The following DDX50 variants were observed in gnomAD, a reference collection of about 807,000 sequenced individuals.
DDX50 encodes the protein DExD-box helicase 50, also known as ATP-dependent RNA helicase DDX50.
DDX50 carries 56 observed loss-of-function variants against 94.8 expected under a neutral mutation model. The observed-to-expected ratio is 0.59, with a 90% CI of 0.48 to 0.74. The LOEUF (loss-of-function observed/expected upper bound fraction) is 0.74, where lower values mean the gene tolerates loss of function less well. DDX50 is among the 30% of genes least tolerant of loss of function. The pLI is 0.00. For missense variants in DDX50, 713 were observed against 881.2 expected (o/e 0.81, Z 2.42); for synonymous variants, 264 against 295.4 (o/e 0.89, Z 1.09).
chr10:68,913,931 C>G (rs1461391213), intron 6 of DDX50, 128 bp from the exon 7 acceptor site: 1 of 911,962 alleles, frequency 1.1e-6, no homozygotes, highest in African/African-American at 1.8e-5. Flanking sequence ...GCAATGAAGT[C>G]TGTGTGTTAA....
At chr10:68,916,353 CAAAA>C (rs11420993) in intron 7 of DDX50, among the ~76,000 whole-genome samples, 1 of 123,512 alleles carries the variant, frequency 8.1e-6, no homozygotes, top group Non-Finnish European at 1.6e-5. Context: ...GACTCTGTCT[CAAAA>C]AAAAAAAAAA....
At chr10:68,931,883 A>G (rs1842283989) in intron 8 of DDX50, among the ~76,000 whole-genome samples, 1 of 151,948 alleles carries the variant, frequency 6.6e-6, no homozygotes, top group Non-Finnish European at 1.5e-5. Context: ...GTGCTCAAAT[A>G]TTTGTAGGTT....
intron 7 of DDX50, among the ~76,000 whole-genome samples, chr10:68,914,419 G>C (rs1030564088): frequency 4.6e-5 from 7 of 152,048 alleles, no homozygotes; most frequent in African/African-American, 1.7e-4. Flanking sequence ...AGTCCTAATA[G>C]GAAACACACA....
At chr10:68,904,738 C>T (rs910589404) in intron 1 of DDX50, among the ~76,000 whole-genome samples, 18 of 152,310 alleles carry the variant, frequency 1.2e-4, no homozygotes, top group African/African-American at 4.1e-4. Context: ...GGCCCAGAAG[C>T]AATTCAAGCC....
intron 14 of DDX50, among the ~76,000 whole-genome samples, chr10:68,943,992 G>A (rs1418766925): frequency 6.6e-6 from 1 of 152,106 alleles, no homozygotes. Flanking sequence ...AGCCAGTTTT[G>A]TTTCATTTCT....
intron 8 of DDX50, among the ~76,000 whole-genome samples, chr10:68,927,593 T>C (rs1301839484): frequency 1.3e-5 from 2 of 152,218 alleles, no homozygotes; most frequent in African/African-American, 4.8e-5. Context: ...CGTACATATA[T>C]TGTCCTGCTT....
In DDX50 at chr10:68,911,258, A is replaced by AG. The variant is rs1841619550; in HGVS notation, c.639+17dup. The AG allele has an allele frequency of 6.4e-7, 1 of 1,558,106 alleles. No homozygotes were observed. The highest frequency in any genetic ancestry group is 1.4e-5 in the African/African-American group (1 of 72,400). On this transcript the variant is annotated intron_variant, in intron 4 of 14. Transcript: ENST00000373585. Reference sequence around the variant, plus strand: ...GCCGCTCACCAAAGGTAATCGTTATAGGGGGTAAAAGCTTTAAATGTTACT... The same window carrying AG: ...GCCGCTCACCAAAGGTAATCGTTATAGGGGGGTAAAAGCTTTAAATGTTACT...
intron 7 of DDX50, among the ~76,000 whole-genome samples, chr10:68,918,791 C>G (rs1485693533): frequency 6.6e-6 from 1 of 152,050 alleles, no homozygotes. Flanking sequence ...ATGGATATAC[C>G]TGTTTTGGAT....
In DDX50 at chr10:68,934,192, C is replaced by G; in HGVS notation, c.1240-7C>G. The G allele has an allele frequency of 6.2e-7, 1 of 1,608,518 alleles. No individual in the cohort carries two copies. Among genetic ancestry groups the G allele is most frequent in the Non-Finnish European group, 8.5e-7 (1 of 1,178,278 alleles). On this transcript the variant is annotated splice_polypyrimidine_tract_variant and splice_region_variant and intron_variant, in intron 8 of 14. Transcript: ENST00000373585. The surrounding 1 kb of genome is among the most constrained non-coding windows in gnomAD (Gnocchi z 4.0). ...TACACTTAATTTTCTCCCCCTTTCTCAAATAGAATGCCCAGTGTTTACATG... is the reference window on the plus strand; with the variant it reads ...TACACTTAATTTTCTCCCCCTTTCTGAAATAGAATGCCCAGTGTTTACATG...
chr10:68,926,343 A>G (rs1345857319), intron 8 of DDX50, among the ~76,000 whole-genome samples: 1 of 151,060 alleles, frequency 6.6e-6, no homozygotes, highest in Non-Finnish European at 1.5e-5. Context: ...TCTTGAAGAA[A>G]TTGTCTTGCT....
In DDX50 at chr10:68,919,555, AT is replaced by A. The variant is rs1841889981; in HGVS notation, c.1090-269del. On this transcript the variant is annotated intron_variant, in intron 7 of 14. Transcript: ENST00000373585. ...CATTTTCTGTAAGATGTTATTCGGC[AT>A]TTTTTTTAAGGTTCATATTGTTCCA... 2.6e-5 allele frequency among the ~76,000 whole-genome samples: 4 copies of A among 152,016 alleles called. No homozygotes were observed. In the East Asian group the frequency reaches 7.7e-4, roughly 29 times the overall value.
intron 14 of DDX50, among the ~76,000 whole-genome samples, chr10:68,944,427 T>A (rs1485559945): frequency 6.6e-6 from 1 of 152,216 alleles, no homozygotes; most frequent in Non-Finnish European, 1.5e-5. Context: ...CTTATATACC[T>A]ACTTTGAAAC....
chr10:68,911,092 C>A lies in DDX50; in HGVS notation c.485C>A (p.Pro162His). ...LKGRGVTYLFPIQVKTFGPVY... is the reference protein window; with the variant it reads ...LKGRGVTYLFHIQVKTFGPVY... Reference sequence around the variant, plus strand: ...GGTCGAGGGGTAACATATCTCTTTCCTATTCAAGTTAAGACCTTTGGTCCT... The same window carrying A: ...GGTCGAGGGGTAACATATCTCTTTCATATTCAAGTTAAGACCTTTGGTCCT... The change falls in exon 4 of 15, where the codon CCT becomes CAT. Residue 162 changes from proline (P) to histidine (H), a missense_variant. By Grantham distance (77) the Pro-to-His change is moderately conservative. Transcript: ENST00000373585. 6.4e-7 allele frequency: 1 copy of A among 1,561,090 alleles called. No individual in the cohort carries two copies. Among genetic ancestry groups the A allele is most frequent in the South Asian group, 1.3e-5 (1 of 78,352 alleles).
chr10:68,945,485 C>G (rs1842650823), intron 14 of DDX50, among the ~76,000 whole-genome samples: 1 of 151,880 alleles, frequency 6.6e-6, no homozygotes, highest in African/African-American at 2.4e-5. Context: ...TTTTGTATTT[C>G]TAGTAGAGTT....
intron 14 of DDX50, 123 bp downstream of exon 14, chr10:68,943,380 A>G (rs1842595393): frequency 5.1e-6 from 4 of 785,176 alleles, no homozygotes; most frequent in Admixed American, 3.2e-5. Context: ...ATTCCTTAAT[A>G]TAAAATAACC....
chr10:68,941,678 C>T (rs145603115), intron 13 of DDX50, among the ~76,000 whole-genome samples: 10,840 of 151,668 alleles, frequency 0.071, 510 homozygotes, highest in African/African-American at 0.12. Context: ...TCACTCTTGT[C>T]GCCCAGGCTA....
intron 2 of DDX50, among the ~76,000 whole-genome samples, chr10:68,909,797 G>C (rs1164195920): frequency 6.6e-6 from 1 of 152,102 alleles, no homozygotes; most frequent in African/African-American, 2.4e-5. Flanking sequence ...CGAGTAGCTG[G>C]GATTACAGGC....
intron 6 of DDX50, 107 bp downstream of exon 6, chr10:68,913,683 AAACT>A (rs1342763113): frequency 1.6e-5 from 17 of 1,038,596 alleles, no homozygotes; most frequent in Non-Finnish European, 2.2e-5. Context: ...CGTTCTAACA[AAACT>A]AAAATAATTT....
intron 6 of DDX50, 59 bp downstream of exon 6, chr10:68,913,635 G>C (rs1440577830): frequency 6.7e-7 from 1 of 1,494,516 alleles, no homozygotes; most frequent in Non-Finnish European, 9.0e-7. Context: ...AAATGCAAAC[G>C]AGTTTTTATT....
Sources: gnomAD v4.1 joint callset for allele counts (sites outside exome capture counted in the v4.1 genomes callset) on GRCh38, gnomAD v4.1.1 for gene constraint, Gnocchi (gnomAD v3.1) non-coding constraint, MANE v1.5 for transcripts, NCBI Gene and HGNC (gene_info 2026-07-23, HGNC 2026-07-21) for gene names.